LANCL2: variants seen among roughly 807,000 people sequenced by gnomAD.
LANCL2 encodes lanC-like protein 2.
In LANCL2, 33 loss-of-function variants were observed where a neutral mutation model predicts 56.9. The observed-to-expected ratio is 0.58, with a 90% CI of 0.44 to 0.78. LANCL2 has a LOEUF of 0.78. LANCL2 is among the 30% of genes least tolerant of loss of function. LANCL2 has a pLI of 0.00. For synonymous variants in LANCL2, 233 were observed against 228.2 expected (o/e 1.02, Z -0.19); for missense variants, 562 against 580.2 (o/e 0.97, Z 0.32).
At chr7:55,428,905 T>C (rs1790697492) in intron 8 of LANCL2, among the ~76,000 whole-genome samples, 1 of 152,160 alleles carries the variant, frequency 6.6e-6, no homozygotes, top group Non-Finnish European at 1.5e-5. Flanking sequence ...AAGAAAGTTC[T>C]GAAAAGAGGA....
chr7:55,388,850 G>T (rs1790155082), intron 1 of LANCL2, among the ~76,000 whole-genome samples: 1 of 152,144 alleles, frequency 6.6e-6, no homozygotes, highest in Non-Finnish European at 1.5e-5. Context: ...GGCTGAGCTT[G>T]TGGCAGAGGG....
intron 6 of LANCL2, among the ~76,000 whole-genome samples, chr7:55,416,713 C>T (rs936085838): frequency 6.6e-6 from 1 of 151,848 alleles, no homozygotes. Flanking sequence ...ATAATTTCTC[C>T]CTGTCTGTAG....
chr7:55,428,056 G>A (rs1038224613), intron 7 of LANCL2: 3 of 368,212 alleles, frequency 8.1e-6, no homozygotes, highest in Non-Finnish European at 1.5e-5. Flanking sequence ...GGCGTTTCGA[G>A]TTGCTTCTGG....
intron 6 of LANCL2, 64 bp downstream of exon 6, chr7:55,412,153 G>A: frequency 6.6e-7 from 1 of 1,515,934 alleles, no homozygotes; most frequent in Non-Finnish European, 9.0e-7. Context: ...GTCAGGTTTT[G>A]GGTCTTGCTT....
intron 6 of LANCL2, among the ~76,000 whole-genome samples, chr7:55,416,096 C>T (rs527439732): frequency 9.3e-4 from 142 of 152,178 alleles, no homozygotes; most frequent in African/African-American, 3.3e-3. Context: ...GCCACTTTTT[C>T]CACAAGTTCT....
chr7:55,426,039 G>A (rs577666507), intron 7 of LANCL2, among the ~76,000 whole-genome samples: 6 of 152,272 alleles, frequency 3.9e-5, no homozygotes, highest in South Asian at 2.1e-4. Flanking sequence ...TGGACCTGTC[G>A]TTAACTGTTC....
At chr7:55,379,278 A>T (rs1326544191) in intron 1 of LANCL2, among the ~76,000 whole-genome samples, 3 of 152,188 alleles carry the variant, frequency 2.0e-5, no homozygotes, top group African/African-American at 7.2e-5. Flanking sequence ...GGCCTGGAAA[A>T]CTCAACTTAA....
At chr7:55,384,408 C>T (rs545855945) in intron 1 of LANCL2, among the ~76,000 whole-genome samples, 4 of 152,078 alleles carry the variant, frequency 2.6e-5, no homozygotes, top group South Asian at 2.1e-4. Context: ...AAAAATTAGC[C>T]GGGTGTGGTG....
At chr7:55,387,758 A>G (rs1027023232) in intron 1 of LANCL2, among the ~76,000 whole-genome samples, 3 of 152,062 alleles carry the variant, frequency 2.0e-5, no homozygotes, top group African/African-American at 7.2e-5. Context: ...ACTTACACAG[A>G]CCGTTTATGA....
intron 3 of LANCL2, among the ~76,000 whole-genome samples, chr7:55,399,623 G>A (rs1029449152): frequency 1.4e-4 from 21 of 152,272 alleles, no homozygotes; most frequent in Admixed American, 8.5e-4. Flanking sequence ...GATTATAGGC[G>A]TGAGCCACCG....
intron 6 of LANCL2, among the ~76,000 whole-genome samples, chr7:55,419,339 A>G (rs1790580312): frequency 7.3e-6 from 1 of 136,250 alleles, no homozygotes; most frequent in South Asian, 2.3e-4. Context: ...AATGTTATTC[A>G]TACCTCTTTT....
At chr7:55,375,453 C>G (rs974657443) in intron 1 of LANCL2, among the ~76,000 whole-genome samples, 1 of 152,200 alleles carries the variant, frequency 6.6e-6, no homozygotes. Context: ...TTTCACACAG[C>G]GAGCTCCTGT....
intron 1 of LANCL2, among the ~76,000 whole-genome samples, chr7:55,370,082 C>G (rs1425731603): frequency 2.6e-5 from 4 of 152,192 alleles, no homozygotes; most frequent in African/African-American, 9.7e-5. Context: ...AAGCTCTGAA[C>G]CAGGGCTTCT....
At chr7:55,429,340 C>A (rs4947509) in intron 8 of LANCL2, among the ~76,000 whole-genome samples, 98,580 of 152,000 alleles carry the variant, frequency 0.65, 32,301 homozygotes, top group Admixed American at 0.72. Context: ...AAATAAATTC[C>A]GTTTTTAAAA....
At chr7:55,407,912 G>A (rs576744781) in intron 5 of LANCL2, among the ~76,000 whole-genome samples, 8 of 152,328 alleles carry the variant, frequency 5.3e-5, no homozygotes, top group African/African-American at 1.9e-4. Context: ...AGCCCCTCCG[G>A]TGCACTGAGG....
At chr7:55,426,359 A>G (rs1222160950) in intron 7 of LANCL2, among the ~76,000 whole-genome samples, 2 of 152,254 alleles carry the variant, frequency 1.3e-5, no homozygotes, top group Admixed American at 1.3e-4. Context: ...TTTATTATGT[A>G]CACATTTCAC....
intron 6 of LANCL2, among the ~76,000 whole-genome samples, chr7:55,421,952 G>A (rs908473550): frequency 6.6e-6 from 1 of 151,606 alleles, no homozygotes; most frequent in African/African-American, 2.4e-5. Context: ...GGCTAGTCTC[G>A]AACTCCTGGG....
intron 6 of LANCL2, among the ~76,000 whole-genome samples, chr7:55,418,264 C>G (rs1209535183): frequency 6.6e-6 from 1 of 151,924 alleles, no homozygotes; most frequent in Non-Finnish European, 1.5e-5. Flanking sequence ...TCACTGCAGC[C>G]TCTACCTCCC....
At chr7:55,428,157 G>C (rs571021903) in intron 7 of LANCL2, 30 of 589,084 alleles carry the variant, frequency 5.1e-5, no homozygotes, top group African/African-American at 4.3e-4. Flanking sequence ...CCCAGCAGCT[G>C]TAAGGCAGAC....
Sources: allele counts gnomAD v4.1 joint callset (sites outside exome capture counted in the v4.1 genomes callset), GRCh38; gene constraint gnomAD v4.1.1; transcripts MANE v1.5; gene names NCBI Gene and HGNC (gene_info 2026-07-23, HGNC 2026-07-21).